Variants in ACTN4 observed in about 807,000 individuals in gnomAD.
The protein encoded by ACTN4 is alpha-actinin-4.
A neutral mutation model predicts 114.2 loss-of-function variants in ACTN4; 18 were observed. That is an observed-to-expected ratio of 0.16 (90% CI 0.11 to 0.23). ACTN4 has a LOEUF of 0.23. Among genes scored for constraint, ACTN4 ranks in the 10% least tolerant of loss-of-function variants. ACTN4 has a pLI of 1.00. For synonymous variants in ACTN4, 515 were observed against 506.3 expected, an observed-to-expected ratio of 1.02 and a Z score of -0.23; for missense variants, 722 against 1,262.9, an observed-to-expected ratio of 0.57 and a Z score of 6.49.
At position 38,731,088 on chromosome 19, in the gene ACTN4, A is replaced by C. The variant is rs759428194; in HGVS notation, c.*1656A>C. 1.0e-5 allele frequency: 15 copies of C among 1,505,926 alleles called. No homozygotes were observed. Among genetic ancestry groups the C allele is most frequent in the African/African-American group, 1.4e-5 (1 of 72,908 alleles). The allele number at this position is 1,505,926 out of a possible 1,614,324, so 93.3% of individuals were successfully genotyped here. Reference sequence around the variant, plus strand: ...GTACCCCTTCCCCCCATGCCCCACCATGCCGGGGTGGTACTCACAGAAGAT... The same window carrying C: ...GTACCCCTTCCCCCCATGCCCCACCCTGCCGGGGTGGTACTCACAGAAGAT... On this transcript the variant is annotated 3_prime_UTR_variant, in exon 21 of 21. Transcript: ENST00000252699.
chr19:38,728,925 C>T (rs1969367157), intron 19 of ACTN4, 71 bp from the exon 20 acceptor site: 2 of 1,591,782 alleles, frequency 1.3e-6, no homozygotes, highest in Non-Finnish European at 1.7e-6. Context: ...CTGGAGACCC[C>T]ACCAGTGTGG....
At chr19:38,714,943 T>C (rs1968790364) in intron 9 of ACTN4, among the ~76,000 whole-genome samples, 1 of 152,072 alleles carries the variant, frequency 6.6e-6, no homozygotes, top group Non-Finnish European at 1.5e-5. Flanking sequence ...TGGGAACCAA[T>C]AGGATAGCAG....
chr19:38,678,224 G>A (rs982549363), intron 1 of ACTN4, among the ~76,000 whole-genome samples: 1 of 152,248 alleles, frequency 6.6e-6, no homozygotes, highest in Non-Finnish European at 1.5e-5. Context: ...AAAATGATAC[G>A]TGTGGCTAAA....
chr19:38,663,058 G>T (rs543708544), intron 1 of ACTN4, among the ~76,000 whole-genome samples: 1 of 151,968 alleles, frequency 6.6e-6, no homozygotes, highest in Non-Finnish European at 1.5e-5. Flanking sequence ...TACAGGTGCC[G>T]GCCACCACGC....
rs780805765 is a variant in ACTN4, at chr19:38,729,444, C to A, written c.*12C>A. On this transcript the variant is annotated 3_prime_UTR_variant, in exon 21 of 21. Transcript: ENST00000252699. Reference sequence around the variant, plus strand: ...AGAGCGACCTGTGAGGCCCCAGAGACCTGACCCAACACCCCCGACGGCCTC... The same window carrying A: ...AGAGCGACCTGTGAGGCCCCAGAGAACTGACCCAACACCCCCGACGGCCTC... 8.7e-6 allele frequency: 14 copies of A among 1,612,594 alleles called. No individual in the cohort carries two copies.
intron 7 of ACTN4, among the ~76,000 whole-genome samples, 168 bp from the exon 8 acceptor site, chr19:38,710,089 A>C (rs757729333): frequency 9.9e-5 from 15 of 152,016 alleles, no homozygotes; most frequent in Admixed American, 2.0e-4. Context: ...TTCCAGACCC[A>C]TGGGAGAGGG....
intron 1 of ACTN4, among the ~76,000 whole-genome samples, chr19:38,657,885 G>T (rs996779461): frequency 6.6e-6 from 1 of 152,176 alleles, no homozygotes; most frequent in Non-Finnish European, 1.5e-5. Context: ...TGTCATCAAG[G>T]CCTCAGTATG....
intron 12 of ACTN4, 53 bp from the exon 13 acceptor site, chr19:38,723,561 C>T (rs1260461212): frequency 1.4e-6 from 2 of 1,385,950 alleles, no homozygotes; most frequent in Non-Finnish European, 2.0e-6. Flanking sequence ...TGGGTCCAAT[C>T]CATCTAGCCA....
chr19:38,682,461 G>A (rs1967607607), intron 1 of ACTN4, among the ~76,000 whole-genome samples: 1 of 152,112 alleles, frequency 6.6e-6, no homozygotes, highest in Non-Finnish European at 1.5e-5. Flanking sequence ...TGAGATTAGA[G>A]GTGTGAGCCA....
intron 1 of ACTN4, among the ~76,000 whole-genome samples, chr19:38,659,242 G>A (rs928601127): frequency 2.3e-4 from 35 of 151,788 alleles, no homozygotes; most frequent in African/African-American, 8.5e-4. Flanking sequence ...GTATTTTTTA[G>A]GAGAGACGGA....
At chr19:38,720,494 G>A (rs533319892) in intron 11 of ACTN4, among the ~76,000 whole-genome samples, 11 of 152,338 alleles carry the variant, frequency 7.2e-5, no homozygotes, top group South Asian at 4.1e-4. Context: ...CAGCAGGGCC[G>A]GTGGAGCCAG....
chr19:38,728,211 CCCTGCTCCCCGCCACTGTCCTGTCTG>C (rs1297633466), intron 19 of ACTN4, 185 bp downstream of exon 19: 185 of 1,383,980 alleles, frequency 1.3e-4, no homozygotes, highest in Non-Finnish European at 1.7e-4. Flanking sequence ...GCCGCTGTCT[CCCTGCTCCCCGCCACTGTCCTGTCTG>C]CCTGCTGTGC....
At chr19:38,722,609 G>A (rs1479121260) in intron 12 of ACTN4, among the ~76,000 whole-genome samples, 2 of 152,218 alleles carry the variant, frequency 1.3e-5, no homozygotes, top group Non-Finnish European at 2.9e-5. Flanking sequence ...GTCCCGTGGG[G>A]CCATCACAGC....
At position 38,700,394 on chromosome 19, in the gene ACTN4, G is replaced by C. The variant is rs192265883; in HGVS notation, c.163-206G>C. Reference sequence around the variant, plus strand: ...CTTGTGATGGGTCATTAACCACCCCGAGCCTCAGTTTCCTCACATCTGCCT... The same window carrying C: ...CTTGTGATGGGTCATTAACCACCCCCAGCCTCAGTTTCCTCACATCTGCCT... On this transcript the variant is annotated intron_variant, in intron 1 of 20. Transcript: ENST00000252699. Among the ~76,000 whole-genome samples, 3 of 152,092 alleles carry C rather than the reference G, an allele frequency of 2.0e-5. No individual in the cohort carries two copies. In the South Asian group the frequency reaches 6.2e-4, roughly 31 times the overall value.
At chr19:38,718,248 C>A in intron 11 of ACTN4, 174 bp downstream of exon 11, 1 of 1,146,796 alleles carries the variant, frequency 8.7e-7, no homozygotes, top group Non-Finnish European at 1.3e-6. Flanking sequence ...GCTTTAGAGC[C>A]AGGTTCAGTG....
chr19:38,708,400 A>T (rs1315032266), intron 6 of ACTN4, among the ~76,000 whole-genome samples: 2 of 152,024 alleles, frequency 1.3e-5, no homozygotes, highest in Non-Finnish European at 2.9e-5. Flanking sequence ...CCCCTCGTGG[A>T]CTGTCCAGTC....
In ACTN4 at chr19:38,723,999, C is replaced by T. The variant is rs764948353; in HGVS notation, c.1614C>T (p.Ala538=). ...ACCTGGAATACGCCAAGCGCGCGGC[C>T]CCCTTCAACAACTGGATGGAGAGCG... ...QLHLEYAKRA[A]PFNNWMESAM... The change falls in exon 14 of 21, where the codon GCC becomes GCT. Residue 538 remains alanine (A), a synonymous_variant. Coordinates refer to ENST00000252699, the MANE Select transcript of ACTN4 (RefSeq NM_004924.6). 3 of 1,613,868 alleles carry T rather than the reference C, an allele frequency of 1.9e-6. No individual in the cohort carries two copies. The highest frequency in any genetic ancestry group is 8.5e-7 in the Non-Finnish European group (1 of 1,180,012).
chr19:38,706,154 C>T (rs200442845), intron 5 of ACTN4, 23 bp downstream of exon 5: 2 of 1,605,246 alleles, frequency 1.2e-6, no homozygotes, highest in East Asian at 2.2e-5. Flanking sequence ...CCTGGTCATC[C>T]TCTCCTTTCC....
chr19:38,708,984 G>A (rs535300494), intron 6 of ACTN4, among the ~76,000 whole-genome samples: 1 of 152,124 alleles, frequency 6.6e-6, no homozygotes, highest in African/African-American at 2.4e-5. Flanking sequence ...GACACTTTAG[G>A]GTGGTTGGGA....
Sources: gnomAD v4.1 joint callset for allele counts (sites outside exome capture counted in the v4.1 genomes callset) on GRCh38, gnomAD v4.1.1 for gene constraint, MANE v1.5 for transcripts, NCBI Gene and HGNC (gene_info 2026-07-23, HGNC 2026-07-21) for gene names.